The following NDUFA9 variants were observed in gnomAD, a reference collection of about 807,000 sequenced individuals.
NDUFA9 encodes NADH dehydrogenase [ubiquinone] 1 alpha subcomplex subunit 9, mitochondrial.
A neutral mutation model predicts 45.9 loss-of-function variants in NDUFA9; 23 were observed. The ratio of observed to expected loss-of-function variants is 0.50; its 90% CI spans 0.36 to 0.71. The LOEUF is 0.71. NDUFA9 is among the 30% of genes least tolerant of loss of function. The probability of loss-of-function intolerance (pLI) is 0.00; values close to 1 mark genes in which losing one functional copy is unlikely to be tolerated. For synonymous variants in NDUFA9, 176 were observed against 170.5 expected (o/e 1.03, Z -0.25); for missense variants, 466 against 488.2 (o/e 0.95, Z 0.43).
In NDUFA9 at chr12:4,693,742, G is replaced by C. The variant is rs1407184407; in HGVS notation, c.*6634G>C. The C allele has an allele frequency of 6.6e-6, 1 of 152,158 alleles. No individual in the cohort carries two copies. The highest frequency in any genetic ancestry group is 1.5e-5 in the Non-Finnish European group (1 of 68,034). 9.4% of individuals were successfully genotyped at this position (152,158 alleles called of 1,614,324 possible). ...AAAACTAGCTATACCTCACTGATAA[G>C]GACCTGAATGGCTAAATAATGATGA... On this transcript the variant is annotated 3_prime_UTR_variant, in exon 11 of 11. Transcript: ENST00000266544.
chr12:4,670,771 T>C (rs2359252), intron 8 of NDUFA9, among the ~76,000 whole-genome samples: 54,865 of 152,066 alleles, frequency 0.36, 10,022 homozygotes, highest in South Asian at 0.52. Flanking sequence ...AGTTATATAG[T>C]CTAGATAAGA....
Position 4,687,125 on chromosome 12 carries a change from C to A in NDUFA9, c.*17C>A. 2 of 1,612,996 alleles carry A rather than the reference C, an allele frequency of 1.2e-6. No individual in the cohort carries two copies. Among genetic ancestry groups the A allele is most frequent in the Non-Finnish European group, 1.7e-6 (2 of 1,179,210 alleles). ...AACATTTAGTGCCTCCTGAGCAGCT[C>A]TTGGTTTTGGCGTCTTTTGGGTCGG... On this transcript the variant is annotated 3_prime_UTR_variant, in exon 11 of 11. Transcript: ENST00000266544.
rs117977526 is a variant in NDUFA9, at chr12:4,684,138, T to C, written c.897-1121T>C. 7.0e-3 allele frequency among the ~76,000 whole-genome samples: 1,069 copies of C among 152,354 alleles called. 14 individuals carry two copies. The highest frequency in any genetic ancestry group is 0.014 in the Non-Finnish European group (929 of 68,038). ...ATGAGGGCACAGAGAGTTAGAGGTT[T>C]GTAATGAGTGTTTTTATTAAGCTAT... is the stretch of plus-strand genomic sequence containing the variant. On this transcript the variant is annotated intron_variant, in intron 9 of 10. Transcript: ENST00000266544.
chr12:4,666,264 T>C (rs1945852706), intron 6 of NDUFA9, among the ~76,000 whole-genome samples: 1 of 152,206 alleles, frequency 6.6e-6, no homozygotes, highest in South Asian at 2.1e-4. Flanking sequence ...TTGTAGGAGT[T>C]TTTTTATTTA....
rs1193575371 is a variant in NDUFA9, at chr12:4,659,099, A to G, written c.474A>G (p.Glu158=). Residue 158 remains glutamate, a synonymous_variant, in exon 5 of 11, where the codon GAA becomes GAG. Transcript: ENST00000266544. ...IPQAIAQLSK[E]AGVEKFIHVS... is the part of the protein sequence containing the mutation. ...AAGCAATTGCTCAACTGTCCAAGGA[A>G]GCTGGAGTTGAAAAATTCATTCATG... The G allele has an allele frequency of 6.2e-7, 1 of 1,612,194 alleles. No homozygotes were observed. The highest frequency in any genetic ancestry group is 8.5e-7 in the Non-Finnish European group (1 of 1,178,266).
At chr12:4,662,014 A>T (rs1040832337) in intron 5 of NDUFA9, among the ~76,000 whole-genome samples, 1 of 152,214 alleles carries the variant, frequency 6.6e-6, no homozygotes, top group Non-Finnish European at 1.5e-5. Flanking sequence ...TTAGGTGCTG[A>T]TATCTTCATC....
intron 1 of NDUFA9, among the ~76,000 whole-genome samples, chr12:4,652,288 C>A (rs1945764034): frequency 6.6e-6 from 1 of 152,162 alleles, no homozygotes; most frequent in African/African-American, 2.4e-5. Flanking sequence ...GAAATCATGT[C>A]ATTTCCATCA....
At chr12:4,668,808 C>G (rs1365345397) in intron 7 of NDUFA9, 1 of 378,738 alleles carries the variant, frequency 2.6e-6, no homozygotes, top group Non-Finnish European at 4.9e-6. Context: ...AATTGCTGTT[C>G]TCAAATTGCT....
rs1419995681 is a variant in NDUFA9 at position 4,688,594 on chromosome 12, A to G, written c.*1486A>G. 2.0e-5 allele frequency: 3 copies of G among 152,106 alleles called. No homozygotes were observed. Among genetic ancestry groups the G allele is most frequent in the African/African-American group, 7.2e-5 (3 of 41,420 alleles). 9.4% of individuals were successfully genotyped at this position (152,106 alleles called of 1,614,324 possible). On this transcript the variant is annotated 3_prime_UTR_variant, in exon 11 of 11. Coordinates refer to ENST00000266544, the MANE Select transcript of NDUFA9 (RefSeq NM_005002.5). ...AGATTTGTATGCACATTACAGTATG[A>G]GAAGCACTGCCATACAGAAGAGCTG...
intron 9 of NDUFA9, 132 bp downstream of exon 9, chr12:4,682,432 A>G (rs536369804): frequency 4.5e-5 from 22 of 493,564 alleles, no homozygotes; most frequent in African/African-American, 3.7e-4. Context: ...TGACATTAGC[A>G]TAGAGAAGAA....
At position 4,689,401 on chromosome 12, in the gene NDUFA9, AC is replaced by A. The variant is rs1946006500; in HGVS notation, c.*2294del. The A allele has an allele frequency of 6.6e-6, 1 of 152,372 alleles. No homozygotes were observed. The highest frequency in any genetic ancestry group is 1.9e-4 in the East Asian group (1 of 5,206). 9.4% of individuals were successfully genotyped at this position (152,372 alleles called of 1,614,324 possible). Reference sequence around the variant, plus strand: ...TAGTGGAGGGAAGGTCAGCAGATAAACAAGTGAACAAAGGTCTCTGGTTTTC... The same window carrying A: ...TAGTGGAGGGAAGGTCAGCAGATAAAAAGTGAACAAAGGTCTCTGGTTTTC... On this transcript the variant is annotated 3_prime_UTR_variant, in exon 11 of 11. Coordinates refer to ENST00000266544, the MANE Select transcript of NDUFA9 (RefSeq NM_005002.5).
At chr12:4,672,510 A>G (rs944138948) in intron 8 of NDUFA9, among the ~76,000 whole-genome samples, 1 of 152,218 alleles carries the variant, frequency 6.6e-6, no homozygotes, top group Non-Finnish European at 1.5e-5. Flanking sequence ...CTAGCTCAGC[A>G]GTCTGAGTTC....
chr12:4,662,331 C>T (rs953410973), intron 5 of NDUFA9, among the ~76,000 whole-genome samples: 2 of 152,140 alleles, frequency 1.3e-5, no homozygotes, highest in Admixed American at 1.3e-4. Flanking sequence ...GAGACCCAAC[C>T]CAATCTGTAA....
At chr12:4,678,018 T>C (rs934921191) in intron 8 of NDUFA9, among the ~76,000 whole-genome samples, 7 of 152,130 alleles carry the variant, frequency 4.6e-5, no homozygotes, top group Non-Finnish European at 8.8e-5. Context: ...CTGGAAACCA[T>C]CATTCTCAGC....
chr12:4,669,194 A>G (rs1357728130), intron 7 of NDUFA9, among the ~76,000 whole-genome samples: 2 of 152,262 alleles, frequency 1.3e-5, no homozygotes, highest in Non-Finnish European at 2.9e-5. Flanking sequence ...ACTAGACGCC[A>G]GTCACACCAC....
At chr12:4,669,520 T>A (rs7301282) in intron 7 of NDUFA9, among the ~76,000 whole-genome samples, 52 of 152,346 alleles carry the variant, frequency 3.4e-4, no homozygotes, top group African/African-American at 1.2e-3. Context: ...CGGTGATTAT[T>A]TGAGCTCTTG....
chr12:4,652,308 T>C (rs756898092), intron 1 of NDUFA9, among the ~76,000 whole-genome samples: 5 of 152,198 alleles, frequency 3.3e-5, no homozygotes, highest in Non-Finnish European at 5.9e-5. Flanking sequence ...AGCACATAAA[T>C]GTTAACTCAT....
rs1282071949 is a variant in NDUFA9, at chr12:4,691,900, G to T, written c.*4792G>T. On this transcript the variant is annotated 3_prime_UTR_variant, in exon 11 of 11. Transcript: ENST00000266544. ...CATCTCATCCTTATGACAGGAAGTAGTCCTGCAGCTTGGAGCAAGGTGCCC... is the reference window on the plus strand; with the variant it reads ...CATCTCATCCTTATGACAGGAAGTATTCCTGCAGCTTGGAGCAAGGTGCCC... The T allele has an allele frequency of 6.6e-6, 1 of 152,042 alleles. No individual in the cohort carries two copies. The highest frequency in any genetic ancestry group is 1.5e-5 in the Non-Finnish European group (1 of 68,042). 9.4% of individuals were successfully genotyped at this position (152,042 alleles called of 1,614,324 possible). A position where few individuals can be genotyped will look rare whatever the true frequency, so the allele number is the denominator to read the frequency against.
intron 8 of NDUFA9, among the ~76,000 whole-genome samples, chr12:4,679,895 C>T (rs1303976305): frequency 6.6e-6 from 1 of 152,026 alleles, no homozygotes; most frequent in Non-Finnish European, 1.5e-5. Flanking sequence ...GGAGATGAGG[C>T]CGACAGAAAA....
Sources: gnomAD v4.1 joint callset for allele counts (sites outside exome capture counted in the v4.1 genomes callset) on GRCh38, gnomAD v4.1.1 for gene constraint, MANE v1.5 for transcripts, NCBI Gene and HGNC (gene_info 2026-07-23, HGNC 2026-07-21) for gene names.